LYST: variants seen among roughly 807,000 people sequenced by gnomAD.
The protein encoded by LYST is lysosomal trafficking regulator.
LYST carries 192 observed loss-of-function variants against 413.6 expected under a neutral mutation model. The observed-to-expected ratio is 0.46, with a 90% CI of 0.41 to 0.52. The LOEUF (loss-of-function observed/expected upper bound fraction) is 0.52, where lower values mean the gene tolerates loss of function less well. LYST is among the 20% of genes least tolerant of loss of function. The probability of loss-of-function intolerance (pLI) is 0.00; values close to 1 mark genes in which losing one functional copy is unlikely to be tolerated. For synonymous variants in LYST, 1,525 were observed against 1,567.3 expected, an observed-to-expected ratio of 0.97 and a Z score of 0.64; for missense variants, 3,815 against 4,499.9, an observed-to-expected ratio of 0.85 and a Z score of 4.35.
At chr1:235,747,756 T>C (rs768082763) in intron 28 of LYST, among the ~76,000 whole-genome samples, 3 of 152,108 alleles carry the variant, frequency 2.0e-5, no homozygotes, top group Non-Finnish European at 4.4e-5. Context: ...CTAGAAAACG[T>C]GGGAGGGTAT....
chr1:235,882,085 C>T (rs1202363938), intron 1 of LYST, among the ~76,000 whole-genome samples: 1 of 151,498 alleles, frequency 6.6e-6, no homozygotes, highest in Non-Finnish European at 1.5e-5. Context: ...CTTTCACACA[C>T]ACACACACAC....
chr1:235,671,474 C>T (rs1658937705), intron 50 of LYST, among the ~76,000 whole-genome samples: 1 of 152,100 alleles, frequency 6.6e-6, no homozygotes, highest in Non-Finnish European at 1.5e-5. Flanking sequence ...CTTTACATCC[C>T]AGGATGAATC....
At position 235,720,918 on chromosome 1, in the gene LYST, G is replaced by A; in HGVS notation, c.9316-13C>T. ...CATCATCACGAACCTAAAAGGGAAG[G>A]AGAAGAAAAAAACCCAGATATTATT... On this transcript the variant is annotated splice_polypyrimidine_tract_variant and intron_variant, in intron 39 of 52. Transcript: ENST00000389793. 1 of 1,612,264 alleles carries A rather than the reference G, an allele frequency of 6.2e-7. No homozygotes were observed. The highest frequency in any genetic ancestry group is 8.5e-7 in the Non-Finnish European group (1 of 1,178,860).
intron 1 of LYST, among the ~76,000 whole-genome samples, chr1:235,875,586 C>T (rs1172438033): frequency 6.6e-6 from 1 of 152,158 alleles, no homozygotes; most frequent in Non-Finnish European, 1.5e-5. Context: ...GGAGTCCTGC[C>T]CCACACAACT....
rs1187761938 is a variant in LYST at position 235,809,473 on chromosome 1, C to G, written c.1345G>C (p.Val449Leu). 6.2e-7 allele frequency: 1 copy of G among 1,613,940 alleles called. No homozygotes were observed. The highest frequency in any genetic ancestry group is 8.5e-7 in the Non-Finnish European group (1 of 1,179,896). The change falls in exon 5 of 53, where the codon GTT becomes CTT. Residue 449 changes from valine to leucine, a missense_variant. By Grantham distance (32) the Val-to-Leu change is conservative (BLOSUM62 1). Coordinates refer to ENST00000389793, the MANE Select transcript of LYST (RefSeq NM_000081.4). This position sits in a 1 kb window ranked among gnomAD's most constrained non-coding sequence, Gnocchi z 4.0. The stretch of plus-strand genomic sequence containing the variant: ...AAAACCAGCCATTCCATTTGAAGAA[C>G]TGCTGTTTCAAATAAATTAAATCCA... Reference protein sequence around the residue: ...HHGFNLFETAVLQMEWLVLRD... With the variant: ...HHGFNLFETALLQMEWLVLRD...
At chr1:235,875,475 T>G (rs1234743180) in intron 1 of LYST, among the ~76,000 whole-genome samples, 4 of 152,138 alleles carry the variant, frequency 2.6e-5, no homozygotes, top group Non-Finnish European at 5.9e-5. Flanking sequence ...ATATTCTGAC[T>G]CTCCAGAGTG....
At chr1:235,753,453 T>C (rs1332582905) in intron 25 of LYST, among the ~76,000 whole-genome samples, 179 bp from the exon 26 acceptor site, 1 of 152,206 alleles carries the variant, frequency 6.6e-6, no homozygotes, top group East Asian at 1.9e-4. Flanking sequence ...GGGTAAAAGC[T>C]GTTGCTAGAA....
chr1:235,714,941 A>T (rs1408515663), intron 42 of LYST, among the ~76,000 whole-genome samples: 2 of 152,248 alleles, frequency 1.3e-5, no homozygotes. Flanking sequence ...TGTGAATTAT[A>T]TCTTAATTTT....
chr1:235,809,672 C>T lies in LYST; in HGVS notation c.1146G>A (p.Leu382=), dbSNP rs778524521. The change falls in exon 5 of 53, where the codon CTG becomes CTA. Residue 382 remains leucine (L), a synonymous_variant. Transcript: ENST00000389793. This position sits in a 1 kb window ranked among gnomAD's most constrained non-coding sequence, Gnocchi z 4.0. ...DPFAPRQKKT[L]QEVQEDFVFS... ...ACACAAAATCTTCCTGAACCTCCTGCAGTGTTTTCTTTTGTCTTGGTGCAA... is the reference window on the plus strand; with the variant it reads ...ACACAAAATCTTCCTGAACCTCCTGTAGTGTTTTCTTTTGTCTTGGTGCAA... 1.4e-5 allele frequency: 22 copies of T among 1,613,714 alleles called. No individual in the cohort carries two copies. The highest frequency in any genetic ancestry group is 3.3e-5 in the Admixed American group (2 of 59,926).
intron 40 of LYST, among the ~76,000 whole-genome samples, chr1:235,718,115 C>T (rs768925075): frequency 9.9e-5 from 15 of 151,938 alleles, no homozygotes; most frequent in Admixed American, 1.3e-4. Flanking sequence ...CCATCCACCT[C>T]GGCCTCCCAA....
At chr1:235,803,934 C>T (rs1672529640) in intron 7 of LYST, among the ~76,000 whole-genome samples, 1 of 151,864 alleles carries the variant, frequency 6.6e-6, no homozygotes, top group African/African-American at 2.4e-5. Context: ...GTAAAATAAA[C>T]ATAAAATGAG....
intron 10 of LYST, among the ~76,000 whole-genome samples, chr1:235,794,659 A>C (rs1368533752): frequency 2.0e-5 from 3 of 152,244 alleles, no homozygotes; most frequent in Non-Finnish European, 4.4e-5. Context: ...AGAGAATAGA[A>C]GCCATATTTA....
intron 20 of LYST, 132 bp from the exon 21 acceptor site, chr1:235,766,409 A>T: frequency 1.6e-6 from 1 of 637,310 alleles, no homozygotes; most frequent in Non-Finnish European, 2.7e-6. Flanking sequence ...CATACTTACC[A>T]TTACCATAAC....
At chr1:235,805,252 C>T (rs186790436) in intron 6 of LYST, among the ~76,000 whole-genome samples, 4 of 152,154 alleles carry the variant, frequency 2.6e-5, no homozygotes, top group East Asian at 1.9e-4. Context: ...GGAGAAGTCT[C>T]GTCCCAGCCT....
At chr1:235,826,446 A>T (rs568390802) in intron 3 of LYST, among the ~76,000 whole-genome samples, 6 of 152,358 alleles carry the variant, frequency 3.9e-5, no homozygotes, top group Non-Finnish European at 8.8e-5. Context: ...ATCAGAAATT[A>T]AAAAGTAGTG....
intron 50 of LYST, among the ~76,000 whole-genome samples, chr1:235,671,000 GA>G (rs1421788393): frequency 1.3e-5 from 2 of 152,208 alleles, no homozygotes; most frequent in East Asian, 1.9e-4. Context: ...GAAAGATAAT[GA>G]AAAGACAGTA....
chr1:235,842,504 A>G (rs894057709), intron 1 of LYST, among the ~76,000 whole-genome samples: 12 of 152,222 alleles, frequency 7.9e-5, no homozygotes, highest in Non-Finnish European at 1.6e-4. Context: ...AAGCCCTATA[A>G]TGACAGAGAT....
chr1:235,779,300 T>A (rs1477899739), intron 16 of LYST, among the ~76,000 whole-genome samples: 2 of 152,246 alleles, frequency 1.3e-5, no homozygotes, highest in Admixed American at 6.5e-5. Context: ...TGATAATTTA[T>A]GTTGAGTTTT....
At position 235,793,524 on chromosome 1, in the gene LYST, A is replaced by C. The variant is rs1386813488; in HGVS notation, c.4095T>G (p.Phe1365Leu). The C allele has an allele frequency of 7.7e-6, 12 of 1,567,518 alleles. No individual in the cohort carries two copies. Among genetic ancestry groups the C allele is most frequent in the African/African-American group, 1.4e-5 (1 of 73,944 alleles). ...SEELTLLLRI[F>L]LEKSPCTKIL... ...TTACTGTACAAGGAGATTTCTCCAG[A>C]AATATTCTCAAAAGAAGGGTTAGCT... Residue 1365 changes from phenylalanine (F) to leucine (L), a missense_variant, in exon 11 of 53, where the codon TTT becomes TTG. Around this residue, in one of 4 missense-constraint regions of LYST, gnomAD observed 1,648 missense variants for 1,810.3 expected, o/e 0.91. Transcript: ENST00000389793.
Sources: gnomAD v4.1 joint callset for allele counts (sites outside exome capture counted in the v4.1 genomes callset) on GRCh38, gnomAD v4.1.1 for gene constraint, gnomAD v4.1.1 regional missense constraint, Gnocchi (gnomAD v3.1) non-coding constraint, MANE v1.5 for transcripts, NCBI Gene and HGNC (gene_info 2026-07-23, HGNC 2026-07-21) for gene names.